WDPCP: variants seen among roughly 807,000 people sequenced by gnomAD.
WDPCP encodes WD repeat containing planar cell polarity effector.
Under a neutral mutation model 93.1 loss-of-function variants are expected in WDPCP, and 71 were observed. That is an observed-to-expected ratio of 0.76 (90% CI 0.63 to 0.93). The LOEUF (loss-of-function observed/expected upper bound fraction) is 0.93, where lower values mean the gene tolerates loss of function less well. WDPCP is among the 40% of genes least tolerant of loss of function. The probability of loss-of-function intolerance (pLI) is 0.00; values close to 1 mark genes in which losing one functional copy is unlikely to be tolerated. For synonymous variants in WDPCP, 315 were observed against 315.0 expected (o/e 1.00, Z 0.00); for missense variants, 844 against 887.4 (o/e 0.95, Z 0.62).
intron 1 of WDPCP, among the ~76,000 whole-genome samples, chr2:63,579,392 T>C (rs983514997): frequency 2.6e-5 from 4 of 152,224 alleles, no homozygotes; most frequent in Admixed American, 2.6e-4. Context: ...GGTGGATCAC[T>C]GGAGGTCAGG....
chr2:63,229,530 T>A (rs904560623), intron 14 of WDPCP: 7 of 152,172 alleles, frequency 4.6e-5, no homozygotes, highest in Non-Finnish European at 8.8e-5. Context: ...CTGAATGGTA[T>A]TGCCTAGGTT....
intron 1 of WDPCP, among the ~76,000 whole-genome samples, chr2:63,516,277 A>G (rs951919333): frequency 1.1e-4 from 16 of 152,290 alleles, no homozygotes; most frequent in African/African-American, 3.4e-4. Context: ...TGGGATACCC[A>G]TCACCCTCAA....
chr2:63,541,304 T>A (rs1214406478), intron 1 of WDPCP, among the ~76,000 whole-genome samples: 3 of 152,148 alleles, frequency 2.0e-5, no homozygotes, highest in African/African-American at 4.8e-5. Flanking sequence ...TGGGCTTCAG[T>A]AGTCCTTTGT....
chr2:63,172,664 T>G (rs955406110), intron 15 of WDPCP, among the ~76,000 whole-genome samples: 1 of 152,142 alleles, frequency 6.6e-6, no homozygotes, highest in Non-Finnish European at 1.5e-5. Flanking sequence ...GTTCTTAGCA[T>G]GACTTGAAGA....
chr2:63,409,174 G>C (rs896415272), intron 9 of WDPCP, among the ~76,000 whole-genome samples: 1 of 152,170 alleles, frequency 6.6e-6, no homozygotes, highest in East Asian at 1.9e-4. Flanking sequence ...CACCAGGACA[G>C]GCACTGGTAT....
At chr2:63,692,487 T>G (rs1009237696) in intron 2 of WDPCP, among the ~76,000 whole-genome samples, 2 of 152,200 alleles carry the variant, frequency 1.3e-5, no homozygotes, top group Non-Finnish European at 2.9e-5. Flanking sequence ...TATGCAAAAG[T>G]AGTTCAACAC....
In WDPCP at chr2:63,643,269, C is replaced by T. The variant is rs1710003393; in HGVS notation, n.488+7390G>A. 3 of 347,342 alleles carry T rather than the reference C, an allele frequency of 8.6e-6. No homozygotes were observed. In the Admixed American group the frequency reaches 9.9e-5, roughly 11 times the overall value. 21.5% of individuals were successfully genotyped at this position (347,342 alleles called of 1,614,324 possible). A position where few individuals can be genotyped will look rare whatever the true frequency, so the allele number is the denominator to read the frequency against. ...TAACATGTCTCTAGAGACCATTTCA[C>T]CCACTTCTCTGTTTGGCTGCCAGTC... On this transcript the variant is annotated intron_variant and non_coding_transcript_variant, in intron 3 of 4. Coordinates refer to the WDPCP transcript ENST00000467687.
intron 2 of WDPCP, among the ~76,000 whole-genome samples, chr2:63,701,638 T>C (rs1669050241): frequency 6.6e-6 from 1 of 152,144 alleles, no homozygotes; most frequent in Admixed American, 6.5e-5. Context: ...GAAAATGTGT[T>C]ATATATATAC....
intron 14 of WDPCP, among the ~76,000 whole-genome samples, chr2:63,198,920 T>A (rs1226381206): frequency 6.6e-6 from 1 of 152,092 alleles, no homozygotes; most frequent in East Asian, 1.9e-4. Context: ...AGAGACTGGT[T>A]AAATTGTTGA....
At chr2:63,153,014 C>T in intron 16 of WDPCP, 69 bp from the exon 17 acceptor site, 2 of 1,333,084 alleles carry the variant, frequency 1.5e-6, no homozygotes, top group Non-Finnish European at 2.1e-6. Flanking sequence ...AATTTTTTTA[C>T]AACACTAAAA....
chr2:63,396,663 T>G (rs1693751535), intron 10 of WDPCP, among the ~76,000 whole-genome samples: 1 of 151,862 alleles, frequency 6.6e-6, no homozygotes, highest in African/African-American at 2.4e-5. Context: ...TTTCTCTTTT[T>G]TTTTAACTTT....
intron 13 of WDPCP, among the ~76,000 whole-genome samples, chr2:63,295,688 C>T (rs908978546): frequency 8.6e-5 from 13 of 151,744 alleles, no homozygotes; most frequent in African/African-American, 2.9e-4. Flanking sequence ...AATTCCTATA[C>T]GTCCTCCCAA....
chr2:63,513,536 A>G (rs775948914), intron 1 of WDPCP, among the ~76,000 whole-genome samples: 1 of 152,060 alleles, frequency 6.6e-6, no homozygotes, highest in Non-Finnish European at 1.5e-5. Flanking sequence ...TTTTCCCCCA[A>G]AAGTGATTCA....
intron 14 of WDPCP, among the ~76,000 whole-genome samples, chr2:63,188,564 G>A (rs1674808282): frequency 6.6e-6 from 1 of 151,666 alleles, no homozygotes; most frequent in South Asian, 2.1e-4. Context: ...GAACTCCTGA[G>A]CTCAAGCAAT....
chr2:63,345,116 T>C (rs933237653), intron 12 of WDPCP, among the ~76,000 whole-genome samples: 1 of 152,208 alleles, frequency 6.6e-6, no homozygotes, highest in African/African-American at 2.4e-5. Flanking sequence ...TTTAATGATA[T>C]CACTCCTGCT....
intron 14 of WDPCP, among the ~76,000 whole-genome samples, chr2:63,215,832 A>G (rs1443339607): frequency 1.3e-5 from 2 of 152,258 alleles, no homozygotes; most frequent in Non-Finnish European, 2.9e-5. Context: ...GCTAATATCC[A>G]GAATCTACAA....
chr2:63,735,444 C>G, intron 2 of WDPCP, among the ~76,000 whole-genome samples: 1 of 152,112 alleles, frequency 6.6e-6, no homozygotes, highest in East Asian at 1.9e-4. Flanking sequence ...GACTGTGGGA[C>G]AAGGAGCAAT....
chr2:63,516,974 G>T (rs967666090), intron 1 of WDPCP, among the ~76,000 whole-genome samples: 5 of 151,932 alleles, frequency 3.3e-5, no homozygotes, highest in African/African-American at 1.2e-4. Context: ...AGAAGTGAAA[G>T]AGAAAAAAAG....
chr2:63,532,664 G>C (rs1291202769), intron 1 of WDPCP, among the ~76,000 whole-genome samples: 1 of 152,198 alleles, frequency 6.6e-6, no homozygotes, highest in East Asian at 1.9e-4. Context: ...AATGCTGAGA[G>C]ATTTTGTCAC....
Sources: allele counts gnomAD v4.1 joint callset (sites outside exome capture counted in the v4.1 genomes callset), GRCh38; gene constraint gnomAD v4.1.1; transcripts MANE v1.5; gene names NCBI Gene and HGNC (gene_info 2026-07-23, HGNC 2026-07-21).